AAMDC: variants seen among roughly 807,000 people sequenced by gnomAD.
AAMDC encodes adipogenesis associated Mth938 domain containing, also known as mth938 domain-containing protein.
AAMDC carries 16 observed loss-of-function variants against 15.5 expected under a neutral mutation model. The observed-to-expected ratio is 1.03, with a 90% confidence interval of 0.70 to 1.57. The LOEUF (loss-of-function observed/expected upper bound fraction) is 1.57, where lower values mean the gene tolerates loss of function less well. Ranked by LOEUF, AAMDC falls within the 40% of genes most tolerant of loss-of-function variation. The probability of loss-of-function intolerance (pLI) is 0.00; values close to 1 mark genes in which losing one functional copy is unlikely to be tolerated. For missense variants in AAMDC, 141 were observed against 144.9 expected (o/e 0.97, Z 0.14); for synonymous variants, 51 against 51.6 (o/e 0.99, Z 0.05).
chr11:77,863,562 T>C (rs879355281), intron 2 of AAMDC, among the ~76,000 whole-genome samples: 5 of 152,198 alleles, frequency 3.3e-5, no homozygotes, highest in African/African-American at 4.8e-5. Flanking sequence ...CTAATTTCTG[T>C]AATTTTAGTA....
chr11:77,825,215 C>T (rs1164534801), intron 1 of AAMDC, among the ~76,000 whole-genome samples: 3 of 151,902 alleles, frequency 2.0e-5, no homozygotes, highest in Admixed American at 6.6e-5. Context: ...ATCTCCTGAC[C>T]TTGTGATCTG....
At chr11:77,880,956 A>T (rs368696111) in intron 5 of AAMDC, among the ~76,000 whole-genome samples, 23 of 152,102 alleles carry the variant, frequency 1.5e-4, no homozygotes, top group Admixed American at 1.2e-3. Context: ...AAAAAACAAA[A>T]AAACAAATAA....
In AAMDC at chr11:77,872,304, T is replaced by C. The variant is rs1431913933; in HGVS notation, c.358T>C (p.Ser120Pro). ...QGVRVGGVFHSTC is the reference protein window; with the variant it reads ...QGVRVGGVFHPTC ...GGTCAGGGTGGGAGGTGTCTTCCAT[T>C]CCACCTGCTGATGGAGCCTTAAGAG... Residue 120 changes from serine (S) to proline (P), a missense_variant, in exon 4 of 4, where the codon TCC (serine) becomes CCC (proline). Ser to Pro is a moderately conservative substitution (Grantham distance 74). Coordinates refer to ENST00000393427, the MANE Select transcript of AAMDC (RefSeq NM_024684.4). 3 of 1,612,564 alleles carry C rather than the reference T, an allele frequency of 1.9e-6. No homozygotes were observed. The highest frequency in any genetic ancestry group is 2.5e-6 in the Non-Finnish European group (3 of 1,179,426).
At chr11:77,838,578 T>C (rs570334238) in intron 1 of AAMDC, among the ~76,000 whole-genome samples, 5 of 152,184 alleles carry the variant, frequency 3.3e-5, no homozygotes, top group East Asian at 1.9e-4. Context: ...AGTCATCTGC[T>C]TCTGTTTCTC....
downstream of AAMDC, among the ~76,000 whole-genome samples, chr11:77,904,006 T>C (rs1301901502): frequency 6.6e-6 from 1 of 152,238 alleles, no homozygotes; most frequent in Non-Finnish European, 1.5e-5. Flanking sequence ...TAACTGTGGT[T>C]CTTTTTTCTT....
At chr11:77,835,789 C>T (rs1438165429) in intron 1 of AAMDC, among the ~76,000 whole-genome samples, 3 of 152,078 alleles carry the variant, frequency 2.0e-5, no homozygotes, top group African/African-American at 7.2e-5. Flanking sequence ...GGCGTGGTGG[C>T]ATGTACCTGT....
At chr11:77,846,207 A>G (rs1274584532) in intron 2 of AAMDC, among the ~76,000 whole-genome samples, 1 of 152,146 alleles carries the variant, frequency 6.6e-6, no homozygotes, top group African/African-American at 2.4e-5. Context: ...GATTTGACTG[A>G]GATTTCTTTA....
intron 1 of AAMDC, among the ~76,000 whole-genome samples, chr11:77,825,752 C>T (rs1377068161): frequency 6.6e-6 from 1 of 150,872 alleles, no homozygotes; most frequent in Non-Finnish European, 1.5e-5. Flanking sequence ...AGTGCAGTGG[C>T]ACGATCTAGG....
At chr11:77,839,548 A>T (rs994164658) in intron 1 of AAMDC, among the ~76,000 whole-genome samples, 2 of 152,228 alleles carry the variant, frequency 1.3e-5, no homozygotes, top group Non-Finnish European at 2.9e-5. Context: ...TGTTTACAAT[A>T]GCGAAGACAT....
chr11:77,830,987 CAAAAAAAAAAAAA>C (rs59283485), intron 1 of AAMDC, among the ~76,000 whole-genome samples: 3 of 100,514 alleles, frequency 3.0e-5, no homozygotes, highest in African/African-American at 1.1e-4. Context: ...CAAAATATAC[CAAAAAAAAAAAAA>C]AAAAAAAAAA....
At position 77,898,437 on chromosome 11, in the gene AAMDC, C is replaced by T. The variant is rs149427267; in HGVS notation, c.329-2134C>T. ...TTGGACTCCCAAAGTGATGGGATTA[C>T]AGGCGTGAGCCACTGCGCCCGGCCA... On this transcript the variant is annotated intron_variant, in intron 5 of 5. Transcript: ENST00000304716. 6.2e-3 allele frequency among the ~76,000 whole-genome samples: 946 copies of T among 152,308 alleles called. 6 individuals are homozygous for T. The highest frequency in any genetic ancestry group is 0.021 in the African/African-American group (867 of 41,576).
intron 3 of AAMDC, among the ~76,000 whole-genome samples, chr11:77,870,429 C>A (rs188408305): frequency 1.3e-5 from 2 of 149,906 alleles, no homozygotes; most frequent in South Asian, 2.1e-4. Context: ...CTCTGCCTCC[C>A]GGGTTCATGC....
At chr11:77,888,388 T>G (rs948425647) in intron 5 of AAMDC, among the ~76,000 whole-genome samples, 5 of 152,248 alleles carry the variant, frequency 3.3e-5, no homozygotes, top group African/African-American at 1.2e-4. Flanking sequence ...AAGCTGAAAC[T>G]GGATCCCTTC....
At position 77,836,691 on chromosome 11, in the gene AAMDC, C is replaced by T. The variant is rs77645098; in HGVS notation, c.-18-5788C>T. 3.8e-3 allele frequency among the ~76,000 whole-genome samples: 576 copies of T among 152,332 alleles called. 24 individuals are homozygous for T. The East Asian group carries it at 0.098, about 26-fold the overall frequency. On this transcript the variant is annotated intron_variant, in intron 1 of 3. Transcript: ENST00000393427. ...CTTAAGAAGTTACCCTGTGGCCGGG[C>T]GCAGCGGCTTACGCTTGTAATCCCA...
intron 2 of AAMDC, among the ~76,000 whole-genome samples, chr11:77,846,423 A>G (rs1307915369): frequency 6.6e-6 from 1 of 152,220 alleles, no homozygotes; most frequent in Admixed American, 6.5e-5. Flanking sequence ...GATTGATACC[A>G]TCCTGGCCAA....
intron 2 of AAMDC, among the ~76,000 whole-genome samples, chr11:77,848,729 G>A (rs914697871): frequency 3.3e-5 from 5 of 152,138 alleles, no homozygotes; most frequent in African/African-American, 1.2e-4. Flanking sequence ...AGCTATAAAC[G>A]TGTGAAAGCA....
At chr11:77,850,677 A>G (rs1171077767) in intron 2 of AAMDC, 2 of 152,174 alleles carry the variant, frequency 1.3e-5, no homozygotes, top group African/African-American at 4.8e-5. Context: ...AGTTATGTGA[A>G]TAATATAATA....
At chr11:77,893,891 TTAAATAAA>T (rs56269909) in intron 5 of AAMDC, among the ~76,000 whole-genome samples, 21 of 137,928 alleles carry the variant, frequency 1.5e-4, no homozygotes, top group East Asian at 4.2e-4. Context: ...AGACTCTGTC[TTAAATAAA>T]TAAATAAATA....
chr11:77,865,070 G>A (rs1292837757), intron 2 of AAMDC, among the ~76,000 whole-genome samples: 1 of 152,046 alleles, frequency 6.6e-6, no homozygotes, highest in Non-Finnish European at 1.5e-5. Context: ...TAAGGTAAAG[G>A]CCCCTATAAT....
Sources: gnomAD v4.1 joint callset for allele counts (sites outside exome capture counted in the v4.1 genomes callset) on GRCh38, gnomAD v4.1.1 for gene constraint, MANE v1.5 for transcripts, NCBI Gene and HGNC (gene_info 2026-07-23, HGNC 2026-07-21) for gene names.